LGR5: variants seen among roughly 807,000 people sequenced by gnomAD.
The protein encoded by LGR5 is leucine rich repeat containing G protein-coupled receptor 5.
Under a neutral mutation model 76.7 loss-of-function variants are expected in LGR5, and 54 were observed. The ratio of observed to expected loss-of-function variants is 0.70; its 90% CI spans 0.57 to 0.88. The LOEUF (loss-of-function observed/expected upper bound fraction) is 0.88, where lower values mean the gene tolerates loss of function less well. Ranked by LOEUF, LGR5 falls within the 40% of genes least tolerant of loss-of-function variation. The probability of loss-of-function intolerance (pLI) is 0.00; values close to 1 mark genes in which losing one functional copy is unlikely to be tolerated. For missense variants in LGR5, 1,078 were observed against 1,073.3 expected (o/e 1.00, Z -0.06); for synonymous variants, 406 against 421.9 (o/e 0.96, Z 0.46).
At chr12:71,531,878 A>G (rs1432318608) in intron 3 of LGR5, among the ~76,000 whole-genome samples, 1 of 152,170 alleles carries the variant, frequency 6.6e-6, no homozygotes, top group Non-Finnish European at 1.5e-5. Context: ...CCCTCCAAAA[A>G]AAAGTTATCA....
At chr12:71,500,672 G>A (rs181119048) in intron 1 of LGR5, among the ~76,000 whole-genome samples, 1 of 151,764 alleles carries the variant, frequency 6.6e-6, no homozygotes, top group African/African-American at 2.4e-5. Flanking sequence ...GTGTTGCCCA[G>A]GCTGGTCTCA....
At chr12:71,496,949 A>C (rs117617579) in intron 1 of LGR5, among the ~76,000 whole-genome samples, 2,262 of 152,222 alleles carry the variant, frequency 0.015, 27 homozygotes, top group Non-Finnish European at 0.024. Flanking sequence ...AGGGAACATG[A>C]GGGGGTTCTG....
intron 2 of LGR5, among the ~76,000 whole-genome samples, chr12:71,518,418 C>T (rs957587264): frequency 6.6e-6 from 1 of 152,156 alleles, no homozygotes; most frequent in Non-Finnish European, 1.5e-5. Flanking sequence ...AAAATTAGCG[C>T]AACCATTGTG....
At chr12:71,496,778 A>C (rs986744296) in intron 1 of LGR5, among the ~76,000 whole-genome samples, 1 of 152,254 alleles carries the variant, frequency 6.6e-6, no homozygotes, top group African/African-American at 2.4e-5. Context: ...ATTGCTATGC[A>C]CAACATAAGG....
chr12:71,577,862 A>C, intron 13 of LGR5, 63 bp from the exon 14 acceptor site: 1 of 1,061,866 alleles, frequency 9.4e-7, no homozygotes, highest in East Asian at 2.4e-5. Flanking sequence ...CTAAATGCAT[A>C]TGATAAAACT....
At chr12:71,449,234 G>C (rs1476458574) in intron 1 of LGR5, among the ~76,000 whole-genome samples, 1 of 152,194 alleles carries the variant, frequency 6.6e-6, no homozygotes, top group Non-Finnish European at 1.5e-5. Context: ...AGAAAAAAGA[G>C]TCCTTGGGAT....
At chr12:71,540,422 A>G (rs1876818686) in intron 4 of LGR5, among the ~76,000 whole-genome samples, 1 of 152,224 alleles carries the variant, frequency 6.6e-6, no homozygotes, top group Non-Finnish European at 1.5e-5. Context: ...CTATTCTCCA[A>G]TTAACTAATA....
intron 13 of LGR5, among the ~76,000 whole-genome samples, chr12:71,576,009 G>A (rs1236741780): frequency 1.3e-5 from 2 of 152,144 alleles, no homozygotes; most frequent in Admixed American, 6.5e-5. Flanking sequence ...AACACTGCAT[G>A]TTCTCACTTA....
At chr12:71,518,012 C>T (rs1401912526) in intron 2 of LGR5, among the ~76,000 whole-genome samples, 1 of 152,140 alleles carries the variant, frequency 6.6e-6, no homozygotes, top group Non-Finnish European at 1.5e-5. Flanking sequence ...CCCACCATCT[C>T]CCATCTGGAG....
At chr12:71,466,673 T>G (rs35614957) in intron 1 of LGR5, among the ~76,000 whole-genome samples, 27,165 of 134,326 alleles carry the variant, frequency 0.2, 2,985 homozygotes, top group African/African-American at 0.39. Context: ...GTCTTCCATG[T>G]TTTTTTTTTT....
At chr12:71,488,794 G>A (rs1358434664) in intron 1 of LGR5, among the ~76,000 whole-genome samples, 4 of 152,034 alleles carry the variant, frequency 2.6e-5, no homozygotes, top group African/African-American at 9.7e-5. Flanking sequence ...TATTAATTTA[G>A]GTAATTTTAG....
chr12:71,531,745 C>T (rs1423379687), intron 3 of LGR5, among the ~76,000 whole-genome samples: 1 of 152,028 alleles, frequency 6.6e-6, no homozygotes, highest in East Asian at 1.9e-4. Context: ...GCGCACGCCT[C>T]TAATCCCAGC....
At chr12:71,460,438 G>C (rs1872641401) in intron 1 of LGR5, among the ~76,000 whole-genome samples, 1 of 152,060 alleles carries the variant, frequency 6.6e-6, no homozygotes, top group Non-Finnish European at 1.5e-5. Context: ...AAGCTTCTGA[G>C]TCTCAGGGTT....
intron 4 of LGR5, among the ~76,000 whole-genome samples, chr12:71,543,880 G>T (rs1019547705): frequency 1.3e-5 from 2 of 152,184 alleles, no homozygotes; most frequent in African/African-American, 4.8e-5. Flanking sequence ...ATGACCCCTA[G>T]ATTTTAAACC....
At chr12:71,446,431 G>A (rs938294492) in intron 1 of LGR5, among the ~76,000 whole-genome samples, 3 of 152,168 alleles carry the variant, frequency 2.0e-5, no homozygotes, top group African/African-American at 7.2e-5. Flanking sequence ...ACTTCACTCA[G>A]TCATAGGCCC....
At chr12:71,564,896 A>G (rs1442894073) in intron 8 of LGR5, among the ~76,000 whole-genome samples, 1 of 151,028 alleles carries the variant, frequency 6.6e-6, no homozygotes, top group Non-Finnish European at 1.5e-5. Flanking sequence ...ATATATAAAT[A>G]TATGTATACC....
chr12:71,566,221 A>G (rs1795460), intron 8 of LGR5, among the ~76,000 whole-genome samples, 183 bp from the exon 9 acceptor site: 133,897 of 151,974 alleles, frequency 0.88, 60,958 homozygotes, highest in East Asian at 1. Context: ...CTTACCAAAA[A>G]TCTCATACTG....
At chr12:71,524,890 C>T (rs1159142165) in intron 3 of LGR5, among the ~76,000 whole-genome samples, 5 of 152,010 alleles carry the variant, frequency 3.3e-5, no homozygotes, top group Non-Finnish European at 7.4e-5. Flanking sequence ...TAAGCATCAG[C>T]TAAAAAAACC....
intron 1 of LGR5, among the ~76,000 whole-genome samples, chr12:71,450,505 T>C (rs923226845): frequency 6.6e-6 from 1 of 152,302 alleles, no homozygotes; most frequent in Middle Eastern, 3.4e-3. Flanking sequence ...AATGGGAGTA[T>C]GGCTATGTTG....
Sources: allele counts gnomAD v4.1 joint callset (sites outside exome capture counted in the v4.1 genomes callset), GRCh38; gene constraint gnomAD v4.1.1; transcripts MANE v1.5; gene names NCBI Gene and HGNC (gene_info 2026-07-23, HGNC 2026-07-21).